THRB: variants seen among roughly 807,000 people sequenced by gnomAD.
THRB encodes nuclear receptor subfamily 1 group A member 2.
Under a neutral mutation model 47.8 loss-of-function variants are expected in THRB, and 12 were observed. The observed-to-expected ratio is 0.25, with a 90% CI of 0.16 to 0.41. The LOEUF (loss-of-function observed/expected upper bound fraction) is 0.41. Ranked by LOEUF, THRB falls within the 10% of genes least tolerant of loss-of-function variation. THRB has a pLI of 1.00. For missense variants in THRB, 348 were observed against 589.2 expected, an observed-to-expected ratio of 0.59 and a Z score of 4.24; for synonymous variants, 218 against 212.2, an observed-to-expected ratio of 1.03 and a Z score of -0.24.
At chr3:24,343,771 T>C (rs2062833863) in intron 1 of THRB, among the ~76,000 whole-genome samples, 1 of 151,990 alleles carries the variant, frequency 6.6e-6, no homozygotes, top group Non-Finnish European at 1.5e-5. Context: ...TTACATGCCA[T>C]CTCTGCTGTA....
intron 2 of THRB, among the ~76,000 whole-genome samples, chr3:24,309,200 C>T (rs908923182): frequency 6.6e-6 from 1 of 152,076 alleles, no homozygotes; most frequent in Non-Finnish European, 1.5e-5. Flanking sequence ...TTTAAAATTC[C>T]AATATTTTTC....
At position 24,165,541 on chromosome 3, in the gene THRB, A is replaced by G. The variant is rs2039536187; in HGVS notation, c.284-13051T>C. On this transcript the variant is annotated intron_variant, in intron 5 of 10. Transcript: ENST00000646209. Reference sequence around the variant, plus strand: ...AACCCAGCCTGCTTTACTTTGTAATAGCACCTGATGTGCTAAAATCCTATT... The same window carrying G: ...AACCCAGCCTGCTTTACTTTGTAATGGCACCTGATGTGCTAAAATCCTATT... 11 of 568,662 alleles carry G rather than the reference A, an allele frequency of 1.9e-5. No homozygotes were observed. In the East Asian group the frequency reaches 3.1e-4, roughly 16 times the overall value. 35.2% of individuals were successfully genotyped at this position (568,662 alleles called of 1,614,324 possible).
At chr3:24,183,405 C>T (rs1373201570) in intron 5 of THRB, among the ~76,000 whole-genome samples, 7 of 130,700 alleles carry the variant, frequency 5.4e-5, no homozygotes, top group Admixed American at 3.5e-4. Context: ...CTCACTCTGT[C>T]GCCCAGGCTG....
At chr3:24,401,681 C>G (rs1013597964) in intron 1 of THRB, among the ~76,000 whole-genome samples, 2 of 151,978 alleles carry the variant, frequency 1.3e-5, no homozygotes, top group Non-Finnish European at 2.9e-5. Context: ...ACTCAACCCC[C>G]TTGTGTCCCA....
chr3:24,460,134 A>T (rs761705439), intron 1 of THRB, among the ~76,000 whole-genome samples: 3 of 152,212 alleles, frequency 2.0e-5, no homozygotes, highest in Non-Finnish European at 4.4e-5. Context: ...ACATTTTCTA[A>T]ATGGCTTTTG....
chr3:24,198,229 A>T (rs1277977693), intron 4 of THRB, among the ~76,000 whole-genome samples: 1 of 152,212 alleles, frequency 6.6e-6, no homozygotes, highest in Non-Finnish European at 1.5e-5. Flanking sequence ...AAGGGAGGAG[A>T]GACATCTCCA....
chr3:24,175,904 G>C (rs62255853), intron 5 of THRB, among the ~76,000 whole-genome samples: 1 of 150,182 alleles, frequency 6.7e-6, no homozygotes. Flanking sequence ...AAAGGGAAAA[G>C]GTTAGTATTG....
Position 24,223,029 on chromosome 3 carries a change from G to A in THRB, c.22+5909C>T, listed in dbSNP as rs567049077. Among the ~76,000 whole-genome samples, 4 of 152,306 alleles carry A rather than the reference G, an allele frequency of 2.6e-5. 1 individual carries two copies. In the South Asian group the frequency reaches 8.3e-4, roughly 32 times the overall value. On this transcript the variant is annotated intron_variant, in intron 4 of 10. Transcript: ENST00000646209. ...AAGCCTCCCAGCTCTATGGCACTGT[G>A]GGAAGCGGAGCCGAGGGTCGTGTTG...
At chr3:24,198,038 G>A (rs2044157683) in intron 4 of THRB, among the ~76,000 whole-genome samples, 1 of 152,182 alleles carries the variant, frequency 6.6e-6, no homozygotes, top group African/African-American at 2.4e-5. Context: ...GTCACCAGAG[G>A]GCAGGCTCCT....
At chr3:24,248,522 C>T (rs1290144410) in intron 3 of THRB, among the ~76,000 whole-genome samples, 1 of 152,156 alleles carries the variant, frequency 6.6e-6, no homozygotes. Context: ...GCTCCAGATC[C>T]ACCCTTCTTT....
At chr3:24,321,183 T>A (rs2058460237) in intron 2 of THRB, among the ~76,000 whole-genome samples, 1 of 152,158 alleles carries the variant, frequency 6.6e-6, no homozygotes, top group Admixed American at 6.6e-5. Context: ...CATCTCAATG[T>A]GTAGGCTTAA....
rs1193357577 is a variant in THRB, at chr3:24,183,014, C to T, written c.283+7060G>A. Among the ~76,000 whole-genome samples the T allele has an allele frequency of 2.6e-5, 4 of 152,162 alleles. No individual in the cohort carries two copies. In the East Asian group the frequency reaches 5.8e-4, roughly 22 times the overall value. On this transcript the variant is annotated intron_variant, in intron 5 of 10. Coordinates refer to ENST00000646209, the MANE Select transcript of THRB (RefSeq NM_001354712.2). Reference sequence around the variant, plus strand: ...CTGAGTTAGAATTCCAGTTCAGCTACTTCATTTTCCCCTTGATTTCTTATT... The same window carrying T: ...CTGAGTTAGAATTCCAGTTCAGCTATTTCATTTTCCCCTTGATTTCTTATT...
At chr3:24,489,474 C>T (rs1423222556) in intron 1 of THRB, among the ~76,000 whole-genome samples, 2 of 152,122 alleles carry the variant, frequency 1.3e-5, no homozygotes, top group African/African-American at 4.8e-5. Flanking sequence ...ATCAGAAACA[C>T]TTTCCAGGGA....
chr3:24,419,365 A>G (rs896893651), intron 1 of THRB, among the ~76,000 whole-genome samples: 36 of 151,830 alleles, frequency 2.4e-4, no homozygotes, highest in African/African-American at 8.7e-4. Flanking sequence ...GAGATAAAAG[A>G]TCCCTCCTCT....
chr3:24,351,768 G>C (rs372414929), intron 1 of THRB, among the ~76,000 whole-genome samples: 9 of 152,272 alleles, frequency 5.9e-5, no homozygotes, highest in African/African-American at 1.9e-4. Flanking sequence ...CTGTAGGACA[G>C]ACACTTCCTG....
chr3:24,493,042 A>G (rs1340441681), intron 1 of THRB, among the ~76,000 whole-genome samples: 2 of 152,242 alleles, frequency 1.3e-5, no homozygotes, highest in Non-Finnish European at 2.9e-5. Flanking sequence ...ATTATAAATG[A>G]TCGTTCACCA....
At chr3:24,235,557 T>C (rs1010697736) in intron 3 of THRB, among the ~76,000 whole-genome samples, 2 of 152,126 alleles carry the variant, frequency 1.3e-5, no homozygotes, top group African/African-American at 4.8e-5. Flanking sequence ...GGCTCATCTA[T>C]TAATACTTCA....
At chr3:24,274,651 C>G (rs889062970) in intron 3 of THRB, among the ~76,000 whole-genome samples, 2 of 151,974 alleles carry the variant, frequency 1.3e-5, no homozygotes, top group Non-Finnish European at 1.5e-5. Flanking sequence ...TTATATATGA[C>G]ATACAAAGCA....
intron 7 of THRB, chr3:24,145,042 G>C (rs147225360): frequency 4.0e-5 from 6 of 150,166 alleles, no homozygotes; most frequent in Non-Finnish European, 8.9e-5. Flanking sequence ...TCATGTGAGC[G>C]CTTACAAATG....
Sources: gnomAD v4.1 joint callset for allele counts (sites outside exome capture counted in the v4.1 genomes callset) on GRCh38, gnomAD v4.1.1 for gene constraint, MANE v1.5 for transcripts, NCBI Gene and HGNC (gene_info 2026-07-23, HGNC 2026-07-21) for gene names.